RALGAPA1: variants seen among roughly 807,000 people sequenced by gnomAD.
RALGAPA1 encodes the protein ral GTPase-activating protein subunit alpha-1.
In RALGAPA1, 52 loss-of-function variants were observed where a neutral mutation model predicts 269.6. The observed-to-expected ratio is 0.19, with a 90% CI of 0.15 to 0.24. RALGAPA1 has a LOEUF of 0.24. RALGAPA1 is among the 10% of genes least tolerant of loss of function. The probability of loss-of-function intolerance (pLI) is 1.00; values close to 1 mark genes in which losing one functional copy is unlikely to be tolerated. For synonymous variants in RALGAPA1, 817 were observed against 1,008.3 expected (o/e 0.81, Z 3.60); for missense variants, 1,917 against 3,013.9 (o/e 0.64, Z 8.52).
At chr14:35,682,174 AC>A (rs1180377602) in intron 21 of RALGAPA1, among the ~76,000 whole-genome samples, 1 of 152,182 alleles carries the variant, frequency 6.6e-6, no homozygotes, top group Non-Finnish European at 1.5e-5. Flanking sequence ...CACATAATAA[AC>A]GTATGTTTAA....
chr14:35,791,182 G>A (rs1175969804), intron 1 of RALGAPA1, among the ~76,000 whole-genome samples: 1 of 152,196 alleles, frequency 6.6e-6, no homozygotes, highest in Non-Finnish European at 1.5e-5. Flanking sequence ...TATTACAATA[G>A]TAGGAAGGCT....
intron 35 of RALGAPA1, among the ~76,000 whole-genome samples, chr14:35,609,928 CAA>C (rs534206859): frequency 4.6e-4 from 27 of 58,824 alleles, no homozygotes; most frequent in Admixed American, 1.0e-3. Context: ...ACCCTGTCTC[CAA>C]AAAAAAAAAA....
intron 16 of RALGAPA1, among the ~76,000 whole-genome samples, chr14:35,717,173 G>A (rs145224518): frequency 0.022 from 3,316 of 151,906 alleles, 123 homozygotes; most frequent in African/African-American, 0.075. Context: ...TTTTTGAGAC[G>A]GAGTTTCGCT....
intron 10 of RALGAPA1, among the ~76,000 whole-genome samples, chr14:35,743,336 T>C (rs1379639952): frequency 1.3e-5 from 2 of 152,136 alleles, no homozygotes; most frequent in Non-Finnish European, 2.9e-5. Flanking sequence ...CACACTGATA[T>C]AGGAATGTTT....
At chr14:35,659,328 T>C (rs779553160) in intron 27 of RALGAPA1, 132 bp from the exon 28 acceptor site, 76 of 491,840 alleles carry the variant, frequency 1.5e-4, no homozygotes, top group Non-Finnish European at 2.1e-4. Flanking sequence ...ACCAATATTA[T>C]TTATAAAAGT....
At chr14:35,717,208 T>C (rs1208089656) in intron 16 of RALGAPA1, among the ~76,000 whole-genome samples, 1 of 152,188 alleles carries the variant, frequency 6.6e-6, no homozygotes, top group Non-Finnish European at 1.5e-5. Context: ...TGGAGTGCAA[T>C]GGTGCGATCT....
intron 30 of RALGAPA1, among the ~76,000 whole-genome samples, chr14:35,653,662 G>C (rs1401404992): frequency 2.6e-5 from 4 of 151,350 alleles, no homozygotes; most frequent in African/African-American, 9.7e-5. Flanking sequence ...TTTTTTTGTG[G>C]GGGTATGTGA....
chr14:35,562,482 G>A (rs1387641333), intron 39 of RALGAPA1, among the ~76,000 whole-genome samples: 3 of 152,090 alleles, frequency 2.0e-5, no homozygotes, highest in Non-Finnish European at 4.4e-5. Context: ...AATGAATGAC[G>A]TCTGAAAATT....
intron 41 of RALGAPA1, among the ~76,000 whole-genome samples, chr14:35,544,980 G>A (rs1279017706): frequency 6.6e-6 from 1 of 152,092 alleles, no homozygotes; most frequent in Admixed American, 6.5e-5. Context: ...CCGGGAGGTG[G>A]AGGTTGCAGT....
intron 39 of RALGAPA1, among the ~76,000 whole-genome samples, chr14:35,552,877 T>A (rs926813148): frequency 3.3e-5 from 5 of 152,186 alleles, no homozygotes; most frequent in Non-Finnish European, 7.4e-5. Context: ...AGAAACAGTT[T>A]AAATGTAATC....
chr14:35,551,776 T>A (rs1325062441), intron 39 of RALGAPA1, among the ~76,000 whole-genome samples: 6 of 152,054 alleles, frequency 3.9e-5, no homozygotes, highest in Admixed American at 3.3e-4. Context: ...AAAATCCTAA[T>A]ACACAGCTGC....
At chr14:35,721,615 T>C in intron 16 of RALGAPA1, 73 bp downstream of exon 16, 2 of 1,297,240 alleles carry the variant, frequency 1.5e-6, no homozygotes, top group Non-Finnish European at 2.1e-6. Flanking sequence ...AAAATTTATA[T>C]TGATATAAAT....
intron 3 of RALGAPA1, among the ~76,000 whole-genome samples, chr14:35,773,564 T>C (rs991522952): frequency 6.6e-6 from 1 of 152,150 alleles, no homozygotes; most frequent in Non-Finnish European, 1.5e-5. Flanking sequence ...ATCATCTCAG[T>C]TTCCTGAATC....
At chr14:35,613,882 A>T (rs1459219173) in intron 35 of RALGAPA1, among the ~76,000 whole-genome samples, 1 of 152,190 alleles carries the variant, frequency 6.6e-6, no homozygotes, top group African/African-American at 2.4e-5. Flanking sequence ...TTTTTCAAAG[A>T]ACATATATAT....
chr14:35,716,854 TA>T (rs1292207324), intron 16 of RALGAPA1, among the ~76,000 whole-genome samples: 1 of 152,198 alleles, frequency 6.6e-6, no homozygotes, highest in Admixed American at 6.5e-5. Flanking sequence ...ATATATACTA[TA>T]AACTAGAAGT....
intron 16 of RALGAPA1, among the ~76,000 whole-genome samples, chr14:35,721,381 T>C (rs1419024470): frequency 6.6e-6 from 1 of 152,206 alleles, no homozygotes; most frequent in African/African-American, 2.4e-5. Flanking sequence ...CATCAGTTAA[T>C]GCTTGAGTTC....
At chr14:35,751,895 T>A (rs2072742994) in intron 8 of RALGAPA1, 129 bp downstream of exon 8, 1 of 1,235,760 alleles carries the variant, frequency 8.1e-7, no homozygotes, top group African/African-American at 1.6e-5. Flanking sequence ...AATCTAGGTA[T>A]CATATCTATA....
Position 35,689,854 on chromosome 14 carries a change from T to C in RALGAPA1, c.2557A>G (p.Thr853Ala). ...ACTGCACCTTTGGCTCGTTCAACAG[T>C]GAATGGTTCCAAGATGTCAGAAGTG... ...SSTSDILEPF[T>A]VERAKGAVPV... The change falls in exon 18 of 42, where the codon ACT (threonine) becomes GCT (alanine). Residue 853 changes from threonine to alanine, a missense_variant. By Grantham distance (58) the Thr-to-Ala change is moderately conservative (BLOSUM62 0). Coordinates refer to ENST00000680220, the MANE Select transcript of RALGAPA1 (RefSeq NM_001346249.2). The C allele has an allele frequency of 6.2e-7, 1 of 1,603,560 alleles. No homozygotes were observed. Among genetic ancestry groups the C allele is most frequent in the Non-Finnish European group, 8.5e-7 (1 of 1,176,462 alleles).
intron 16 of RALGAPA1, among the ~76,000 whole-genome samples, chr14:35,705,173 C>T (rs1234903066): frequency 1.3e-5 from 2 of 152,036 alleles, no homozygotes; most frequent in South Asian, 2.1e-4. Flanking sequence ...TACAGTATTG[C>T]TAAAGTCCAT....
Sources: allele counts gnomAD v4.1 joint callset (sites outside exome capture counted in the v4.1 genomes callset), GRCh38; gene constraint gnomAD v4.1.1; transcripts MANE v1.5; gene names NCBI Gene and HGNC (gene_info 2026-07-23, HGNC 2026-07-21).